Variants in MTAP observed in about 807,000 individuals in gnomAD.
MTAP encodes the protein S-methyl-5'-thioadenosine phosphorylase.
MTAP carries 33 observed loss-of-function variants against 33.6 expected under a neutral mutation model. That is an observed-to-expected ratio of 0.98 (90% CI 0.74 to 1.31). MTAP has a LOEUF of 1.31. Ranked by LOEUF, MTAP falls within the 40% of genes most tolerant of loss-of-function variation. The pLI, the probability that MTAP is intolerant of heterozygous loss-of-function variation, is 0.00. For synonymous variants in MTAP, 148 were observed against 125.7 expected (o/e 1.18, Z -1.19); for missense variants, 367 against 360.0 (o/e 1.02, Z -0.16).
intron 6 of MTAP, among the ~76,000 whole-genome samples, chr9:21,858,563 A>G (rs1825685449): frequency 1.3e-5 from 2 of 152,150 alleles, no homozygotes; most frequent in African/African-American, 4.8e-5. Context: ...CTTTTAAACA[A>G]TCAGATCTCA....
chr9:21,865,869 C>T lies in MTAP; in HGVS notation c.*3855C>T, dbSNP rs891375408. 5 of 794,946 alleles carry T rather than the reference C, an allele frequency of 6.3e-6. No individual in the cohort carries two copies. Among genetic ancestry groups the T allele is most frequent in the Non-Finnish European group, 7.6e-6 (5 of 655,700 alleles). 49.2% of individuals were successfully genotyped at this position (794,946 alleles called of 1,614,324 possible). The stretch of plus-strand genomic sequence containing the variant: ...TTTTTATTGCCTAGTAGTATTCTGT[C>T]ATATGCCTATCTTACAATTTGATTA... On this transcript the variant is annotated 3_prime_UTR_variant, in exon 8 of 8. Transcript: ENST00000644715.
At chr9:21,818,729 T>C (rs75677236) in intron 4 of MTAP, among the ~76,000 whole-genome samples, 2,359 of 152,362 alleles carry the variant, frequency 0.015, 71 homozygotes, top group African/African-American at 0.054. Context: ...GTATGCATTG[T>C]ACAATGATTA....
At chr9:21,817,807 C>G (rs74983216) in intron 3 of MTAP, among the ~76,000 whole-genome samples, 1 of 152,230 alleles carries the variant, frequency 6.6e-6, no homozygotes, top group South Asian at 2.1e-4. Flanking sequence ...CAGTGGGGTC[C>G]TCACTAGGGT....
chr9:21,914,844 A>G (rs1818648255), intron 1 of MTAP, among the ~76,000 whole-genome samples: 1 of 150,896 alleles, frequency 6.6e-6, no homozygotes, highest in South Asian at 2.1e-4. Context: ...ATGGTAAATA[A>G]AATGGAAAAA....
chr9:21,874,892 T>C (rs1453965414), intron 1 of MTAP, among the ~76,000 whole-genome samples: 3 of 152,204 alleles, frequency 2.0e-5, no homozygotes, highest in East Asian at 3.9e-4. Flanking sequence ...CCCCTCCCTG[T>C]GTCCATGTGT....
At chr9:21,817,320 A>C (rs1014457091) in intron 3 of MTAP, among the ~76,000 whole-genome samples, 1 of 152,122 alleles carries the variant, frequency 6.6e-6, no homozygotes, top group African/African-American at 2.4e-5. Context: ...TTAGCAGCTT[A>C]AAATAGCACA....
At chr9:21,911,848 T>G (rs1818582989) in intron 1 of MTAP, among the ~76,000 whole-genome samples, 2 of 152,088 alleles carry the variant, frequency 1.3e-5, no homozygotes, top group Admixed American at 1.3e-4. Context: ...AGGAGCTGGT[T>G]TTTTGAAAAG....
chr9:21,846,421 A>G (rs1825383541), intron 5 of MTAP, among the ~76,000 whole-genome samples: 1 of 152,158 alleles, frequency 6.6e-6, no homozygotes, highest in Admixed American at 6.5e-5. Flanking sequence ...CAGCAAGAAA[A>G]AAAAAAAAGG....
In MTAP at chr9:21,818,016, T is replaced by G; in HGVS notation, c.180-19T>G. 1 of 1,598,982 alleles carries G rather than the reference T, an allele frequency of 6.3e-7. No homozygotes were observed. The highest frequency in any genetic ancestry group is 8.5e-7 in the Non-Finnish European group (1 of 1,174,558). ...GGTGTACTCATCACGGGTTAACAAT[T>G]TCTTCTCTCCTTCCATAGGCATGGA... On this transcript the variant is annotated intron_variant, in intron 3 of 7. Coordinates refer to ENST00000644715, the MANE Select transcript of MTAP (RefSeq NM_002451.4).
chr9:21,848,794 G>A (rs1439050212), intron 5 of MTAP, among the ~76,000 whole-genome samples: 1 of 152,146 alleles, frequency 6.6e-6, no homozygotes, highest in Non-Finnish European at 1.5e-5. Flanking sequence ...ATCTAACTGT[G>A]GGAACCGCAG....
intron 5 of MTAP, among the ~76,000 whole-genome samples, chr9:21,839,972 A>G (rs1291165683): frequency 1.3e-5 from 2 of 152,244 alleles, no homozygotes; most frequent in Non-Finnish European, 2.9e-5. Context: ...CACGCCTGTA[A>G]TCCCAGCACT....
At chr9:21,802,883 C>T (rs1824088353) in intron 1 of MTAP, 102 bp downstream of exon 1, 3 of 1,504,028 alleles carry the variant, frequency 2.0e-6, no homozygotes, top group African/African-American at 1.4e-5. Flanking sequence ...CCGGCCCGTG[C>T]GTCCCTTGCC....
intron 1 of MTAP, among the ~76,000 whole-genome samples, chr9:21,876,713 C>T (rs1826015196): frequency 6.6e-6 from 1 of 152,022 alleles, no homozygotes; most frequent in Admixed American, 6.6e-5. Context: ...TATTCGGTTC[C>T]ATTGGTCTAT....
At chr9:21,872,083 A>C (rs1234417954) in intron 1 of MTAP, among the ~76,000 whole-genome samples, 1 of 152,146 alleles carries the variant, frequency 6.6e-6, no homozygotes, top group Non-Finnish European at 1.5e-5. Flanking sequence ...TGGGAGGCTG[A>C]GGCTAGATCA....
intron 6 of MTAP, among the ~76,000 whole-genome samples, chr9:21,855,275 G>C (rs996089979): frequency 6.6e-6 from 1 of 152,192 alleles, no homozygotes; most frequent in African/African-American, 2.4e-5. Flanking sequence ...AACGTACCGT[G>C]GCTGGATACT....
intron 1 of MTAP, among the ~76,000 whole-genome samples, chr9:21,894,226 AAAAAC>A (rs760810373): frequency 6.7e-6 from 1 of 148,706 alleles, no homozygotes. Context: ...AAAAAAAAAA[AAAAAC>A]TAGGTATTGA....
At chr9:21,816,137 T>A (rs1379576276) in intron 2 of MTAP, among the ~76,000 whole-genome samples, 1 of 152,186 alleles carries the variant, frequency 6.6e-6, no homozygotes, top group Non-Finnish European at 1.5e-5. Flanking sequence ...GATCTCTCTA[T>A]CTGGCTGTCC....
chr9:21,804,475 G>A (rs1235357607), intron 1 of MTAP, among the ~76,000 whole-genome samples: 1 of 152,202 alleles, frequency 6.6e-6, no homozygotes, highest in East Asian at 1.9e-4. Context: ...ATTGAATAGT[G>A]TGTATTTTTG....
chr9:21,853,201 T>A (rs1047267203), intron 5 of MTAP, among the ~76,000 whole-genome samples: 8 of 152,082 alleles, frequency 5.3e-5, no homozygotes, highest in Non-Finnish European at 1.5e-5. Context: ...CTAGAAGCAC[T>A]GTGAACTTTA....
Sources: gnomAD v4.1 joint callset for allele counts (sites outside exome capture counted in the v4.1 genomes callset) on GRCh38, gnomAD v4.1.1 for gene constraint, MANE v1.5 for transcripts, NCBI Gene and HGNC (gene_info 2026-07-23, HGNC 2026-07-21) for gene names.